The following CLSTN1 variants were observed in gnomAD, a reference collection of about 807,000 sequenced individuals.
CLSTN1 encodes calsyntenin-1.
Under a neutral mutation model 108.3 loss-of-function variants are expected in CLSTN1, and 28 were observed. The ratio of observed to expected loss-of-function variants is 0.26; its 90% CI spans 0.19 to 0.35. CLSTN1 has a LOEUF of 0.35. Among genes scored for constraint, CLSTN1 ranks in the 10% least tolerant of loss-of-function variants. CLSTN1 has a pLI of 1.00. For synonymous variants in CLSTN1, 524 were observed against 534.9 expected, an observed-to-expected ratio of 0.98 and a Z score of 0.28; for missense variants, 1,157 against 1,302.6, an observed-to-expected ratio of 0.89 and a Z score of 1.72.
chr1:9,731,486 G>T, intron 17 of CLSTN1, 96 bp from the exon 18 acceptor site: 1 of 1,310,168 alleles, frequency 7.6e-7, no homozygotes, highest in Admixed American at 2.0e-5. Flanking sequence ...AAACGGGCTG[G>T]ACAGCACGCT....
intron 1 of CLSTN1, among the ~76,000 whole-genome samples, chr1:9,776,649 G>C (rs1007417936): frequency 3.9e-5 from 6 of 152,106 alleles, no homozygotes; most frequent in Non-Finnish European, 8.8e-5. Flanking sequence ...GGCAGCCAGA[G>C]GGAAGCTTCT....
At chr1:9,741,817 C>T (rs182975448) in intron 9 of CLSTN1, among the ~76,000 whole-genome samples, 32 of 152,268 alleles carry the variant, frequency 2.1e-4, no homozygotes, top group Admixed American at 2.1e-3. Context: ...GAGGCTGAGG[C>T]ACAAGAATTG....
rs1283501613 is a variant in CLSTN1 at position 9,739,175 on chromosome 1, T to C, written c.1520-1621A>G. 3.3e-5 allele frequency among the ~76,000 whole-genome samples: 5 copies of C among 152,276 alleles called. No homozygotes were observed. The East Asian group carries it at 9.6e-4, about 29-fold the overall frequency. On this transcript the variant is annotated intron_variant, in intron 10 of 18. Transcript: ENST00000377298. Reference sequence around the variant, plus strand: ...CCACTAACTTCTGAAATTCAGCATTTCCTTTGGCAATAAATGTAGGCTACA... The same window carrying C: ...CCACTAACTTCTGAAATTCAGCATTCCCTTTGGCAATAAATGTAGGCTACA...
chr1:9,755,470 A>T (rs1490916984), intron 3 of CLSTN1, among the ~76,000 whole-genome samples, 161 bp from the exon 4 acceptor site: 1 of 152,136 alleles, frequency 6.6e-6, no homozygotes. Context: ...TGTGTTTTAA[A>T]CATGGGGAAG....
intron 4 of CLSTN1, 86 bp downstream of exon 4, chr1:9,755,028 G>A (rs1470076043): frequency 1.2e-5 from 13 of 1,108,650 alleles, no homozygotes; most frequent in African/African-American, 1.1e-4. Flanking sequence ...CAGTCTTGGG[G>A]AGCAGGCAAT....
intron 1 of CLSTN1, among the ~76,000 whole-genome samples, chr1:9,790,316 A>C (rs1653703342): frequency 6.6e-6 from 1 of 151,428 alleles, no homozygotes; most frequent in South Asian, 2.2e-4. Flanking sequence ...GAGCCCCTCT[A>C]TTCCTAACTT....
chr1:9,760,842 T>G (rs911098025), intron 2 of CLSTN1, among the ~76,000 whole-genome samples: 9 of 151,862 alleles, frequency 5.9e-5, no homozygotes, highest in African/African-American at 2.2e-4. Flanking sequence ...TTCATGGTAG[T>G]CAAATGCATG....
chr1:9,750,237 C>A, intron 5 of CLSTN1: 1 of 197,098 alleles, frequency 5.1e-6, no homozygotes, highest in Non-Finnish European at 1.1e-5. Flanking sequence ...AATTCAAGTA[C>A]CTCAAATATT....
intron 5 of CLSTN1, chr1:9,750,225 A>G (rs1193180210): frequency 4.8e-6 from 1 of 207,300 alleles, no homozygotes; most frequent in Non-Finnish European, 9.9e-6. Context: ...AAAAATAATA[A>G]TAATTCAAGT....
chr1:9,807,183 G>A (rs1441970522), intron 1 of CLSTN1, among the ~76,000 whole-genome samples: 2 of 151,806 alleles, frequency 1.3e-5, no homozygotes, highest in South Asian at 4.2e-4. Context: ...CCTGTTTAAC[G>A]TTAACAGCGC....
intron 2 of CLSTN1, among the ~76,000 whole-genome samples, chr1:9,759,836 G>A (rs1235590811): frequency 6.6e-6 from 1 of 152,152 alleles, no homozygotes; most frequent in Non-Finnish European, 1.5e-5. Context: ...TGTTTTCCAG[G>A]ATGTGCTAAC....
intron 18 of CLSTN1, 111 bp downstream of exon 18, chr1:9,731,095 A>T: frequency 7.8e-7 from 1 of 1,275,270 alleles, no homozygotes; most frequent in Non-Finnish European, 1.1e-6. Context: ...CTTGCTGAGC[A>T]GATGACGCGA....
chr1:9,749,713 TACATCAGTTTTAAG>T, intron 6 of CLSTN1, 37 bp downstream of exon 6: 1 of 1,611,590 alleles, frequency 6.2e-7, no homozygotes, highest in Non-Finnish European at 8.5e-7. Context: ...TGCTGCCGCA[TACATCAGTTTTAAG>T]AGCAGATGTG....
At chr1:9,801,591 G>A (rs995017049) in intron 1 of CLSTN1, among the ~76,000 whole-genome samples, 1 of 152,152 alleles carries the variant, frequency 6.6e-6, no homozygotes, top group Admixed American at 6.5e-5. Context: ...TTTCGCTCTT[G>A]TTGCCCAGGC....
intron 8 of CLSTN1, 84 bp downstream of exon 8, chr1:9,744,311 C>G: frequency 6.6e-7 from 1 of 1,519,646 alleles, no homozygotes; most frequent in Middle Eastern, 1.8e-4. Flanking sequence ...GCAGGGGACC[C>G]TGGGAAAGGA....
intron 5 of CLSTN1, among the ~76,000 whole-genome samples, chr1:9,750,715 CAAAAAAAAA>C (rs775430059): frequency 2.6e-5 from 2 of 77,168 alleles, no homozygotes; most frequent in Admixed American, 2.7e-4. Flanking sequence ...TTCCCTCAAA[CAAAAAAAAA>C]AAAAAAAAAG....
chr1:9,779,172 G>C (rs1192411080), intron 1 of CLSTN1, among the ~76,000 whole-genome samples: 2 of 152,212 alleles, frequency 1.3e-5, no homozygotes, highest in East Asian at 3.8e-4. Flanking sequence ...GACTGCACCA[G>C]CATCAGGTCT....
chr1:9,741,287 G>C, intron 9 of CLSTN1, 31 bp from the exon 10 acceptor site: 2 of 1,582,716 alleles, frequency 1.3e-6, no homozygotes, highest in Non-Finnish European at 1.7e-6. Context: ...GGGGAGGTGT[G>C]AGATGTCCAC....
chr1:9,782,374 A>G (rs1000743605), intron 1 of CLSTN1, among the ~76,000 whole-genome samples: 16 of 152,218 alleles, frequency 1.1e-4, no homozygotes, highest in African/African-American at 3.4e-4. Flanking sequence ...TTCTTACATA[A>G]AAGTAATTTG....
Sources: gnomAD v4.1 joint callset for allele counts (sites outside exome capture counted in the v4.1 genomes callset) on GRCh38, gnomAD v4.1.1 for gene constraint, MANE v1.5 for transcripts, NCBI Gene and HGNC (gene_info 2026-07-23, HGNC 2026-07-21) for gene names.